Variants in NCS1 observed in about 807,000 individuals in gnomAD.
The protein encoded by NCS1 is neuronal calcium sensor 1.
In NCS1, 6 loss-of-function variants were observed where a neutral mutation model predicts 28.4. That is an observed-to-expected ratio of 0.21 (90% CI 0.12 to 0.42). NCS1 has a LOEUF of 0.42. Among genes scored for constraint, NCS1 ranks in the 10% least tolerant of loss-of-function variants. NCS1 has a pLI of 1.00. For synonymous variants in NCS1, 86 were observed against 99.3 expected, an observed-to-expected ratio of 0.87 and a Z score of 0.79; for missense variants, 131 against 241.4, an observed-to-expected ratio of 0.54 and a Z score of 3.03.
chr9:130,219,697 T>C lies in NCS1; in HGVS notation c.229-28T>C, dbSNP rs2131152318. 6.2e-7 allele frequency: 1 copy of C among 1,612,778 alleles called. No individual in the cohort carries two copies. Among genetic ancestry groups the C allele is most frequent in the Non-Finnish European group, 8.5e-7 (1 of 1,178,758 alleles). On this transcript the variant is annotated intron_variant, in intron 3 of 7. Transcript: ENST00000372398. This position sits in a 1 kb window ranked among gnomAD's most constrained non-coding sequence, Gnocchi z 5.7. ...ACCCGGTGGCCTGGCCGGCACTGAC[T>C]GAGGCAATCCCCTCTCTCTCCTGTC... is the stretch of plus-strand genomic sequence containing the variant.
rs184678043 is a variant in NCS1, at chr9:130,221,264, T to A, written c.308-1386T>A. On this transcript the variant is annotated intron_variant, in intron 4 of 7. Coordinates refer to ENST00000372398, the MANE Select transcript of NCS1 (RefSeq NM_014286.4). ...GTCTCGAACTCCTGACCTCAGATGATCCACCCACCTTGGCCTTCCAAAGTG... is the reference window on the plus strand; with the variant it reads ...GTCTCGAACTCCTGACCTCAGATGAACCACCCACCTTGGCCTTCCAAAGTG... Among the ~76,000 whole-genome samples, 1,231 of 150,054 alleles carry A rather than the reference T, an allele frequency of 8.2e-3. 16 individuals carry two copies. The highest frequency in any genetic ancestry group is 0.029 in the African/African-American group (1,191 of 40,842).
intron 4 of NCS1, 105 bp from the exon 5 acceptor site, chr9:130,222,545 A>G: frequency 1.1e-6 from 1 of 870,888 alleles, no homozygotes; most frequent in Non-Finnish European, 1.9e-6. Context: ...GGAATGGGCC[A>G]TCCGGTCGCT....
intron 2 of NCS1, among the ~76,000 whole-genome samples, chr9:130,208,876 C>CTG (rs35560339): frequency 1.3e-3 from 200 of 150,802 alleles, no homozygotes; most frequent in East Asian, 9.0e-3. Context: ...TCACACAGCT[C>CTG]TGTGTGTGTG....
chr9:130,200,660 C>T, intron 1 of NCS1: 2 of 1,551,760 alleles, frequency 1.3e-6, no homozygotes, highest in Non-Finnish European at 1.7e-6. Flanking sequence ...GAGAAGCAAA[C>T]CCTTGAGTGC....
chr9:130,198,585 C>T (rs1554907104), intron 1 of NCS1, among the ~76,000 whole-genome samples: 1 of 152,194 alleles, frequency 6.6e-6, no homozygotes, highest in East Asian at 1.9e-4. Context: ...GACAAATAAG[C>T]AGACCCATTG....
intron 2 of NCS1, among the ~76,000 whole-genome samples, chr9:130,213,116 C>T (rs566201552): frequency 1.2e-4 from 18 of 152,218 alleles, no homozygotes; most frequent in Non-Finnish European, 2.5e-4. Flanking sequence ...CCTGGCTTGC[C>T]GGAGGGGCAG....
chr9:130,183,674 TC>T (rs1832698249), intron 1 of NCS1, among the ~76,000 whole-genome samples: 1 of 151,782 alleles, frequency 6.6e-6, no homozygotes, highest in Non-Finnish European at 1.5e-5. Context: ...TCCTTCTCTC[TC>T]TTTCTTCCTT....
intron 1 of NCS1, among the ~76,000 whole-genome samples, chr9:130,184,511 G>A (rs1222768181): frequency 1.3e-5 from 2 of 152,182 alleles, no homozygotes; most frequent in East Asian, 1.9e-4. Context: ...ATGCATCCCC[G>A]CGCCTTCACC....
intron 2 of NCS1, among the ~76,000 whole-genome samples, chr9:130,207,997 G>A (rs1221216422): frequency 1.3e-5 from 2 of 152,094 alleles, no homozygotes; most frequent in Non-Finnish European, 2.9e-5. Context: ...ATTCACCGTC[G>A]TGGAAGATCA....
At chr9:130,223,821 C>T (rs1364108234) in intron 6 of NCS1, among the ~76,000 whole-genome samples, 2 of 152,072 alleles carry the variant, frequency 1.3e-5, no homozygotes, top group Non-Finnish European at 2.9e-5. Context: ...TGACTTCTAT[C>T]CACAGGCCCA....
intron 1 of NCS1, among the ~76,000 whole-genome samples, chr9:130,190,903 AG>A (rs782253585): frequency 3.9e-5 from 6 of 152,108 alleles, no homozygotes; most frequent in Non-Finnish European, 5.9e-5. Flanking sequence ...AGGGGCTGAG[AG>A]GGAAACGGGG....
chr9:130,223,267 G>A lies in NCS1; in HGVS notation c.474+108G>A, dbSNP rs1031941611. 1.1e-5 allele frequency: 11 copies of A among 1,000,164 alleles called. No homozygotes were observed. The African/African-American group carries it at 1.7e-4, about 16-fold the overall frequency. 62.0% of individuals were successfully genotyped at this position (1,000,164 alleles called of 1,614,324 possible). On this transcript the variant is annotated intron_variant, in intron 6 of 7. Coordinates refer to ENST00000372398, the MANE Select transcript of NCS1 (RefSeq NM_014286.4). ...TGGCTTTGCTGCCAACCTCCTCCAT[G>A]GCTCACGGCAGGCGGCACGGTGTCC...
At chr9:130,187,826 A>G (rs1182605101) in intron 1 of NCS1, among the ~76,000 whole-genome samples, 3 of 152,178 alleles carry the variant, frequency 2.0e-5, no homozygotes, top group Admixed American at 2.0e-4. Flanking sequence ...ACCGGCTATG[A>G]CATTAGGTGT....
At chr9:130,204,411 C>T (rs1004571523) in intron 2 of NCS1, among the ~76,000 whole-genome samples, 1 of 152,158 alleles carries the variant, frequency 6.6e-6, no homozygotes, top group African/African-American at 2.4e-5. Context: ...GACTCAGCCT[C>T]CTGATTAGCT....
At position 130,235,145 on chromosome 9, in the gene NCS1, G is replaced by T. The variant is rs1303998548; in HGVS notation, c.*2173G>T. The T allele has an allele frequency of 6.7e-6, 1 of 150,164 alleles. No homozygotes were observed. Among genetic ancestry groups the T allele is most frequent in the Non-Finnish European group, 1.5e-5 (1 of 68,188 alleles). The allele number at this position is 150,164 out of a possible 1,614,324, so 9.3% of individuals were successfully genotyped here. Reference sequence around the variant, plus strand: ...ACCCCCCCTCCCCCACCAACATCCTGCAGGGATGGGGTCAGTGGTTCCACC... The same window carrying T: ...ACCCCCCCTCCCCCACCAACATCCTTCAGGGATGGGGTCAGTGGTTCCACC... On this transcript the variant is annotated 3_prime_UTR_variant, in exon 8 of 8. Coordinates refer to ENST00000372398, the MANE Select transcript of NCS1 (RefSeq NM_014286.4).
chr9:130,206,598 G>A (rs937594635), intron 2 of NCS1, among the ~76,000 whole-genome samples: 9 of 151,750 alleles, frequency 5.9e-5, no homozygotes, highest in African/African-American at 2.2e-4. Context: ...TAGTAGAGGT[G>A]GTGATTTCAC....
intron 2 of NCS1, among the ~76,000 whole-genome samples, chr9:130,211,722 G>A (rs1001354713): frequency 6.6e-6 from 1 of 152,126 alleles, no homozygotes; most frequent in Admixed American, 6.5e-5. Context: ...TGAGCCTGAC[G>A]TTAACTGAGT....
chr9:130,204,660 C>G (rs1447754441), intron 2 of NCS1, among the ~76,000 whole-genome samples: 13 of 152,178 alleles, frequency 8.5e-5, no homozygotes, highest in Admixed American at 8.5e-4. Flanking sequence ...TTTTTAGGAC[C>G]TCAGTTTCCC....
intron 4 of NCS1, among the ~76,000 whole-genome samples, chr9:130,222,114 G>GTATATATATATATGTGTA: frequency 1.3e-5 from 1 of 76,176 alleles, no homozygotes. Flanking sequence ...ATATATATAC[G>GTATATATATATATGTGTA]TATATATATA....
Sources: gnomAD v4.1 joint callset for allele counts (sites outside exome capture counted in the v4.1 genomes callset) on GRCh38, gnomAD v4.1.1 for gene constraint, Gnocchi (gnomAD v3.1) non-coding constraint, MANE v1.5 for transcripts, NCBI Gene and HGNC (gene_info 2026-07-23, HGNC 2026-07-21) for gene names.